The following POLD3 variants were observed in gnomAD, a reference collection of about 807,000 sequenced individuals.
POLD3 encodes DNA polymerase delta subunit 3.
POLD3 carries 19 observed loss-of-function variants against 58.2 expected under a neutral mutation model. The observed-to-expected ratio is 0.33, with a 90% CI of 0.23 to 0.48. POLD3 has a LOEUF of 0.48. POLD3 is among the 20% of genes least tolerant of loss of function. The pLI, the probability that POLD3 is intolerant of heterozygous loss-of-function variation, is 0.99. For synonymous variants in POLD3, 172 were observed against 193.5 expected (o/e 0.89, Z 0.92); for missense variants, 504 against 545.5 (o/e 0.92, Z 0.76).
intron 4 of POLD3, among the ~76,000 whole-genome samples, chr11:74,666,874 A>G (rs1191962559): frequency 6.6e-6 from 1 of 152,106 alleles, no homozygotes; most frequent in African/African-American, 2.4e-5. Flanking sequence ...TGGTTATAGC[A>G]TAACAATAGG....
chr11:74,633,525 A>G (rs2135173593), intron 9 of POLD3, among the ~76,000 whole-genome samples: 1 of 152,338 alleles, frequency 6.6e-6, no homozygotes, highest in Non-Finnish European at 1.5e-5. Flanking sequence ...TTCAGATCCA[A>G]GACTTGTGTT....
intron 7 of POLD3, among the ~76,000 whole-genome samples, chr11:74,622,448 T>C (rs953413481): frequency 1.3e-5 from 2 of 152,218 alleles, no homozygotes; most frequent in African/African-American, 4.8e-5. Context: ...TATGATGGCA[T>C]GTAACACGGT....
At chr11:74,626,264 T>C (rs180690337) in intron 8 of POLD3, among the ~76,000 whole-genome samples, 4 of 152,314 alleles carry the variant, frequency 2.6e-5, no homozygotes, top group Admixed American at 2.6e-4. Context: ...TAGGAACATA[T>C]GACTTGTATG....
chr11:74,611,463 T>A (rs1176639821), intron 3 of POLD3, 36 bp from the exon 4 acceptor site: 1 of 1,344,488 alleles, frequency 7.4e-7, no homozygotes. Flanking sequence ...TGCAGATTCT[T>A]ACATTAAGCA....
chr11:74,632,482 A>G (rs1699207788), intron 9 of POLD3, among the ~76,000 whole-genome samples: 1 of 152,242 alleles, frequency 6.6e-6, no homozygotes, highest in South Asian at 2.1e-4. Context: ...AGGCAGACAG[A>G]CATATATTCT....
At chr11:74,646,591 A>C (rs908347754), downstream of POLD3, among the ~76,000 whole-genome samples, 1 of 152,272 alleles carries the variant, frequency 6.6e-6, no homozygotes, top group African/African-American at 2.4e-5. Context: ...TGCTGTAAGC[A>C]GTCCATTTAA....
At chr11:74,654,830 C>T (rs931293946) in intron 4 of POLD3, among the ~76,000 whole-genome samples, 1 of 97,448 alleles carries the variant, frequency 1.0e-5, no homozygotes, top group East Asian at 2.7e-4. Flanking sequence ...GTCTCAGTGA[C>T]GAACTAACAA....
chr11:74,666,653 C>A (rs995544055), intron 4 of POLD3, among the ~76,000 whole-genome samples: 6 of 152,142 alleles, frequency 3.9e-5, no homozygotes, highest in African/African-American at 9.7e-5. Context: ...TGGCAATACT[C>A]CCTAAATTGA....
downstream of POLD3, among the ~76,000 whole-genome samples, chr11:74,644,036 T>G (rs894710378): frequency 1.3e-4 from 20 of 152,194 alleles, no homozygotes; most frequent in African/African-American, 4.8e-4. Context: ...TCTTTGACAC[T>G]CTCAGTGATG....
rs145049264 is a variant in POLD3, at chr11:74,632,138, G to A, written c.1007-2445G>A. ...TCCTTGCAAGTTGCTTATGGAGAATGTTAAGCAAATGATCCCCATTTTTAG... is the reference window on the plus strand; with the variant it reads ...TCCTTGCAAGTTGCTTATGGAGAATATTAAGCAAATGATCCCCATTTTTAG... On this transcript the variant is annotated intron_variant, in intron 9 of 11. Coordinates refer to ENST00000263681, the MANE Select transcript of POLD3 (RefSeq NM_006591.3). Among the ~76,000 whole-genome samples, 603 of 152,298 alleles carry A rather than the reference G, an allele frequency of 4.0e-3. 6 individuals carry two copies. Among genetic ancestry groups the A allele is most frequent in the Non-Finnish European group, 3.3e-3 (224 of 68,020 alleles).
At chr11:74,593,952 G>A (rs2031128905) in intron 1 of POLD3, 109 bp from the exon 2 acceptor site, 1 of 645,386 alleles carries the variant, frequency 1.5e-6, no homozygotes, top group South Asian at 1.9e-5. Context: ...ATTGTAATTT[G>A]TAAGGCATAA....
At chr11:74,644,320 G>A (rs141408819), downstream of POLD3, among the ~76,000 whole-genome samples, 2 of 152,322 alleles carry the variant, frequency 1.3e-5, no homozygotes, top group East Asian at 3.9e-4. Flanking sequence ...TTGGTTCCAG[G>A]ATCTCAGTAT....
At chr11:74,595,165 C>CTTTTTTTTTTTTTTTTTTTTTTTTTTTT (rs201138024) in intron 2 of POLD3, 4 of 104,996 alleles carry the variant, frequency 3.8e-5, no homozygotes, top group African/African-American at 3.3e-5. Context: ...TGGATGAACT[C>CTTTTTTTTTTTTTTTTTTTTTTTTTTTT]TTTTTTTTTT....
At chr11:74,655,286 G>A (rs6592579) in intron 4 of POLD3, among the ~76,000 whole-genome samples, 124,625 of 152,274 alleles carry the variant, frequency 0.82, 51,183 homozygotes, top group Middle Eastern at 0.94. Flanking sequence ...TTTAAGAACG[G>A]AAATGAAACA....
At chr11:74,602,447 C>T (rs1028822165) in intron 2 of POLD3, among the ~76,000 whole-genome samples, 1 of 152,204 alleles carries the variant, frequency 6.6e-6, no homozygotes, top group Non-Finnish European at 1.5e-5. Flanking sequence ...CTAGTCCAGT[C>T]ATTTTTGACT....
chr11:74,630,140 A>G (rs1013441378), intron 9 of POLD3, among the ~76,000 whole-genome samples: 1 of 152,204 alleles, frequency 6.6e-6, no homozygotes, highest in Non-Finnish European at 1.5e-5. Flanking sequence ...ACGAACAGAT[A>G]CTAAAAGGGA....
intron 4 of POLD3, among the ~76,000 whole-genome samples, chr11:74,667,534 A>C (rs2033286536): frequency 6.6e-6 from 1 of 152,124 alleles, no homozygotes; most frequent in Non-Finnish European, 1.5e-5. Flanking sequence ...CGTCTCAAAA[A>C]AAAGGTAAAT....
intron 9 of POLD3, among the ~76,000 whole-genome samples, chr11:74,630,647 C>A (rs2032563889): frequency 6.6e-6 from 1 of 152,160 alleles, no homozygotes; most frequent in Non-Finnish European, 1.5e-5. Flanking sequence ...CTGAAAGGAA[C>A]AACTCCATGT....
Position 74,642,076 on chromosome 11 carries a change from G to T in POLD3, c.*1310G>T, listed in dbSNP as rs985641913. On this transcript the variant is annotated 3_prime_UTR_variant, in exon 12 of 12. Transcript: ENST00000263681. ...TGTGTCTCACACGTAGCAGACAAGG[G>T]GTGTCTGACTGGCTTCTTTTGCCTC... The T allele has an allele frequency of 3.0e-6, 3 of 985,370 alleles. No individual in the cohort carries two copies. Among genetic ancestry groups the T allele is most frequent in the Non-Finnish European group, 3.6e-6 (3 of 829,912 alleles). The allele number at this position is 985,370 out of a possible 1,614,324, so 61.0% of individuals were successfully genotyped here.
Sources: allele counts gnomAD v4.1 joint callset (sites outside exome capture counted in the v4.1 genomes callset), GRCh38; gene constraint gnomAD v4.1.1; transcripts MANE v1.5; gene names NCBI Gene and HGNC (gene_info 2026-07-23, HGNC 2026-07-21).